Variants in SHBG observed in about 807,000 individuals in gnomAD.
SHBG encodes sex hormone-binding globulin.
In SHBG, 37 loss-of-function variants were observed where a neutral mutation model predicts 41.9. That is an observed-to-expected ratio of 0.88 (90% CI 0.68 to 1.16). The LOEUF is 1.16. SHBG is among the 50% of genes most tolerant of loss of function. The pLI, the probability that SHBG is intolerant of heterozygous loss-of-function variation, is 0.00. For synonymous variants in SHBG, 217 were observed against 205.8 expected (o/e 1.05, Z -0.47); for missense variants, 466 against 499.9 (o/e 0.93, Z 0.65).
rs1381097485 is a variant in SHBG, at chr17:7,632,616, T to C, written c.853-136T>C. 24 of 708,752 alleles carry C rather than the reference T, an allele frequency of 3.4e-5. 1 individual carries two copies. Among genetic ancestry groups the C allele is most frequent in the Non-Finnish European group, 5.7e-5 (23 of 402,796 alleles). The allele number at this position is 708,752 out of a possible 1,614,324, so 43.9% of individuals were successfully genotyped here. A position where few individuals can be genotyped will look rare whatever the true frequency, so the allele number is the denominator to read the frequency against. ...AGCCAAAAAAAATTGGGGCAGGATT[T>C]AAGTGGTGAGAATGGCCAGTAGGTG... On this transcript the variant is annotated intron_variant, in intron 6 of 7. Transcript: ENST00000380450.
upstream of SHBG, chr17:7,627,764 C>CG: frequency 1.1e-6 from 1 of 948,124 alleles, no homozygotes; most frequent in Non-Finnish European, 1.7e-6. The surrounding 1 kb of genome is among the most constrained non-coding windows in gnomAD (Gnocchi z 4.8). Context: ...GGGGGGACGG[C>CG]GGGGTAGCCG....
chr17:7,627,890 G>A (rs772119336), upstream of SHBG: 1 of 623,238 alleles, frequency 1.6e-6, no homozygotes, highest in South Asian at 1.7e-5. This position sits in a 1 kb window ranked among gnomAD's most constrained non-coding sequence, Gnocchi z 4.8. Flanking sequence ...GCAGCAGGGG[G>A]CACAACTGTC....
chr17:7,626,358 G>T, upstream of SHBG: 1 of 1,464,156 alleles, frequency 6.8e-7, no homozygotes, highest in Non-Finnish European at 9.4e-7. Flanking sequence ...GGAGGCCTCA[G>T]CATCAGTGTC....
At chr17:7,624,401 A>G (rs1466933260), upstream of SHBG, among the ~76,000 whole-genome samples, 1 of 151,108 alleles carries the variant, frequency 6.6e-6, no homozygotes, top group Admixed American at 6.6e-5. Flanking sequence ...GGGTGCCACC[A>G]CACCCAGCTA....
In SHBG at chr17:7,630,881, C is replaced by T. The variant is rs1221347000; in HGVS notation, c.393+12C>T. 1 of 1,611,056 alleles carries T rather than the reference C, an allele frequency of 6.2e-7. No individual in the cohort carries two copies. The highest frequency in any genetic ancestry group is 8.5e-7 in the Non-Finnish European group (1 of 1,179,320). ...GGAGATGGCACCAGGTAAGCTAGCT[C>T]TGGTCCTCAGGGGAGGGATGTCTGG... On this transcript the variant is annotated intron_variant, in intron 3 of 7. Coordinates refer to ENST00000380450, the MANE Select transcript of SHBG (RefSeq NM_001040.5). The surrounding 1 kb of genome is among the most constrained non-coding windows in gnomAD (Gnocchi z 4.6).
At chr17:7,625,896 T>G (rs1365276127), upstream of SHBG, among the ~76,000 whole-genome samples, 2 of 126,290 alleles carry the variant, frequency 1.6e-5, no homozygotes, top group Non-Finnish European at 3.3e-5. Context: ...CAAGACTTGA[T>G]CTCAAAAAAA....
In SHBG at chr17:7,631,732, A is replaced by G. The variant is rs1390950708; in HGVS notation, c.699A>G (p.Ala233=). The G allele has an allele frequency of 6.2e-7, 1 of 1,614,114 alleles. No homozygotes were observed. Among genetic ancestry groups the G allele is most frequent in the South Asian group, 1.1e-5 (1 of 91,088 alleles). ...PGIFLPPGTQ[A]EFNLRDIPQP... Reference sequence around the variant, plus strand: ...TATTTCTCCCTCCAGGGACTCAGGCAGAATTCAATCTCCGAGGTAGATTTC... The same window carrying G: ...TATTTCTCCCTCCAGGGACTCAGGCGGAATTCAATCTCCGAGGTAGATTTC... Residue 233 remains alanine (A), a synonymous_variant, in exon 5 of 8, where the codon GCA becomes GCG. Coordinates refer to ENST00000380450, the MANE Select transcript of SHBG (RefSeq NM_001040.5).
intron 1 of SHBG, chr17:7,614,629 C>T (rs1040373828): frequency 2.9e-6 from 2 of 684,530 alleles, no homozygotes; most frequent in African/African-American, 3.8e-5. Flanking sequence ...GAGGAGGAGC[C>T]GGAGGGGGAG....
In SHBG at chr17:7,630,317, A is replaced by C; in HGVS notation, c.111+34A>C. ...GCGGGACAGGGCACTCAGCTCATGC[A>C]GTCTTCCCTTCTCTCCTCTGGCCCT... On this transcript the variant is annotated intron_variant, in intron 1 of 7. Coordinates refer to ENST00000380450, the MANE Select transcript of SHBG (RefSeq NM_001040.5). The surrounding 1 kb of genome is among the most constrained non-coding windows in gnomAD (Gnocchi z 4.6). 6.3e-7 allele frequency: 1 copy of C among 1,595,228 alleles called. No homozygotes were observed. Among genetic ancestry groups the C allele is most frequent in the Non-Finnish European group, 8.6e-7 (1 of 1,163,358 alleles).
At chr17:7,626,960 A>G, upstream of SHBG, 1 of 1,613,906 alleles carries the variant, frequency 6.2e-7, no homozygotes, top group Non-Finnish European at 8.5e-7. Context: ...TTCCGGCATC[A>G]CATAGATATC....
At chr17:7,627,037 G>T, upstream of SHBG, 7 of 1,613,816 alleles carry the variant, frequency 4.3e-6, no homozygotes, top group Non-Finnish European at 5.9e-6. The surrounding 1 kb of genome is among the most constrained non-coding windows in gnomAD (Gnocchi z 4.8). Context: ...AGCCCACCAC[G>T]CAGGGCCCTG....
At chr17:7,626,598 C>G (rs762186790), upstream of SHBG, 11 of 1,613,196 alleles carry the variant, frequency 6.8e-6, no homozygotes, top group South Asian at 1.2e-4. Flanking sequence ...TTGGGAGCAG[C>G]CCTTATCCAA....
upstream of SHBG, among the ~76,000 whole-genome samples, chr17:7,623,644 G>T (rs9898876): frequency 0.18 from 26,737 of 152,106 alleles, 2,406 homozygotes; most frequent in African/African-American, 0.19. Flanking sequence ...ATTTTTTGCA[G>T]TGACCGGGTT....
chr17:7,630,104 C>T (rs750524491), upstream of SHBG: 17 of 1,351,864 alleles, frequency 1.3e-5, 1 homozygote, highest in South Asian at 1.0e-4. This position sits in a 1 kb window ranked among gnomAD's most constrained non-coding sequence, Gnocchi z 4.6. Context: ...ACCGCCCACA[C>T]GCAAGGCTGC....
At chr17:7,620,238 G>A (rs2072066635) in intron 1 of SHBG, among the ~76,000 whole-genome samples, 1 of 152,192 alleles carries the variant, frequency 6.6e-6, no homozygotes, top group Non-Finnish European at 1.5e-5. Flanking sequence ...GGCCAAAGTG[G>A]GAGGATTGCT....
chr17:7,624,359 T>A (rs117405048), upstream of SHBG, among the ~76,000 whole-genome samples: 1 of 152,140 alleles, frequency 6.6e-6, no homozygotes, highest in East Asian at 1.9e-4. Flanking sequence ...GCGATTCTCA[T>A]GCCTCAACCT....
Position 7,632,936 on chromosome 17 carries a change from G to A in SHBG, c.1037G>A (p.Arg346His), listed in dbSNP as rs758188449. The change falls in exon 7 of 8, where the codon CGT becomes CAT. Residue 346 changes from arginine (R) to histidine (H), a missense_variant. By Grantham distance (29) the Arg-to-His change is conservative. Coordinates refer to ENST00000380450, the MANE Select transcript of SHBG (RefSeq NM_001040.5). ...AACCTCTGGGCCAAGCCTCAAGGGC[G>A]TCTCTTCCTGGGGGCTTTACCAGGT... ...LLNLWAKPQG[R>H]LFLGALPGED... 65 of 1,613,956 alleles carry A rather than the reference G, an allele frequency of 4.0e-5. No individual in the cohort carries two copies. Among genetic ancestry groups the A allele is most frequent in the Non-Finnish European group, 5.1e-5 (60 of 1,179,974 alleles).
rs1392102952 is a variant in SHBG at position 7,631,909 on chromosome 17, C to T, written c.746C>T (p.Ala249Val). Residue 249 changes from alanine (A) to valine (V), a missense_variant, in exon 6 of 8, where the codon GCC becomes GTC. By Grantham distance (64) the Ala-to-Val change is moderately conservative. Transcript: ENST00000380450. ...DIPQPHAEPWAFSLDLGLKQA... is the reference protein window; with the variant it reads ...DIPQPHAEPWVFSLDLGLKQA... ...CCCCAGCCTCATGCAGAGCCCTGGG[C>T]CTTCTCTTTGGACCTGGGACTCAAG... is the stretch of plus-strand genomic sequence containing the variant. 1.9e-6 allele frequency: 3 copies of T among 1,614,070 alleles called. No individual in the cohort carries two copies.
At position 7,630,889 on chromosome 17, in the gene SHBG, C is replaced by T. The variant is rs902451166; in HGVS notation, c.393+20C>T. On this transcript the variant is annotated intron_variant, in intron 3 of 7. Coordinates refer to ENST00000380450, the MANE Select transcript of SHBG (RefSeq NM_001040.5). This position sits in a 1 kb window ranked among gnomAD's most constrained non-coding sequence, Gnocchi z 4.6. ...CACCAGGTAAGCTAGCTCTGGTCCTCAGGGGAGGGATGTCTGGAGCTGGTC... is the reference window on the plus strand; with the variant it reads ...CACCAGGTAAGCTAGCTCTGGTCCTTAGGGGAGGGATGTCTGGAGCTGGTC... The T allele has an allele frequency of 6.2e-7, 1 of 1,607,704 alleles. No individual in the cohort carries two copies. Among genetic ancestry groups the T allele is most frequent in the Admixed American group, 1.7e-5 (1 of 60,000 alleles).
Sources: gnomAD v4.1 joint callset for allele counts (sites outside exome capture counted in the v4.1 genomes callset) on GRCh38, gnomAD v4.1.1 for gene constraint, Gnocchi (gnomAD v3.1) non-coding constraint, MANE v1.5 for transcripts, NCBI Gene and HGNC (gene_info 2026-07-23, HGNC 2026-07-21) for gene names.